The following TTC5 variants were observed in gnomAD, a reference collection of about 807,000 sequenced individuals.
The protein encoded by TTC5 is tetratricopeptide repeat domain 5, also known as tetratricopeptide repeat protein 5.
TTC5 carries 46 observed loss-of-function variants against 57.4 expected under a neutral mutation model. The ratio of observed to expected loss-of-function variants is 0.80; its 90% CI spans 0.63 to 1.03. TTC5 has a LOEUF of 1.03. Among genes scored for constraint, TTC5 ranks in the 50% least tolerant of loss-of-function variants. The pLI, the probability that TTC5 is intolerant of heterozygous loss-of-function variation, is 0.00. For missense variants in TTC5, 504 were observed against 528.1 expected, an observed-to-expected ratio of 0.95 and a Z score of 0.45; for synonymous variants, 190 against 203.5, an observed-to-expected ratio of 0.93 and a Z score of 0.57.
Position 20,289,751 on chromosome 14 carries a change from A to G in TTC5, c.1204-5T>C. ...AACACTGGAAAAGGAATAGTCCTAG[A>G]AAAGACAGACAGACAAAGGTTCACT... On this transcript the variant is annotated splice_region_variant and splice_polypyrimidine_tract_variant and intron_variant, in intron 9 of 9. Transcript: ENST00000258821. 1 of 1,610,996 alleles carries G rather than the reference A, an allele frequency of 6.2e-7. No individual in the cohort carries two copies. The highest frequency in any genetic ancestry group is 8.5e-7 in the Non-Finnish European group (1 of 1,178,540).
In TTC5 at chr14:20,286,391, A is replaced by G. The variant is rs901410421; in HGVS notation, c.*3236T>C. 4 of 152,274 alleles carry G rather than the reference A, an allele frequency of 2.6e-5. No homozygotes were observed. Among genetic ancestry groups the G allele is most frequent in the African/African-American group, 9.6e-5 (4 of 41,566 alleles). The allele number at this position is 152,274 out of a possible 1,614,324, so 9.4% of individuals were successfully genotyped here. On this transcript the variant is annotated 3_prime_UTR_variant, in exon 10 of 10. Transcript: ENST00000258821. ...GGACAAAGAAATGTAATTTATGCCT[A>G]CTATGTGATATTTTATAATCATCTG...
At position 20,304,911 on chromosome 14, in the gene TTC5, T is replaced by TA. The variant is rs201095975; in HGVS notation, c.51+975dup. Among the ~76,000 whole-genome samples the TA allele has an allele frequency of 6.8e-3, 1,037 of 152,072 alleles. 17 individuals carry two copies. Among genetic ancestry groups the TA allele is most frequent in the African/African-American group, 0.024 (982 of 41,480 alleles). On this transcript the variant is annotated intron_variant, in intron 1 of 9. Transcript: ENST00000258821. ...TTGTTAAAATTCAAATAGATACATG[T>TA]AAAAAAAAGAAAGTACAAAATTACC...
At chr14:20,293,440 C>T (rs943028946) in intron 8 of TTC5, 1 of 152,162 alleles carries the variant, frequency 6.6e-6, no homozygotes, top group Non-Finnish European at 1.5e-5. Flanking sequence ...ACAAAAGGCA[C>T]TGGTGGGAAA....
At chr14:20,302,956 T>C (rs935319993) in intron 1 of TTC5, among the ~76,000 whole-genome samples, 3 of 152,022 alleles carry the variant, frequency 2.0e-5, no homozygotes, top group African/African-American at 7.2e-5. Context: ...CCTAGCACTT[T>C]GGTAGTCCAA....
At chr14:20,289,802 C>G (rs1376773236) in intron 9 of TTC5, 56 bp from the exon 10 acceptor site, 5 of 1,547,952 alleles carry the variant, frequency 3.2e-6, no homozygotes, top group Non-Finnish European at 2.6e-6. Context: ...GAAAAAGCTC[C>G]AGCATGGGGA....
Position 20,292,128 on chromosome 14 carries a change from C to T in TTC5, c.1059-1G>A. 1.3e-6 allele frequency: 2 copies of T among 1,559,958 alleles called. No individual in the cohort carries two copies. The highest frequency in any genetic ancestry group is 2.5e-5 in the South Asian group (2 of 81,556). On this transcript the variant is annotated splice_acceptor_variant, in intron 8 of 9. Transcript: ENST00000258821. LOFTEE classifies it high-confidence loss of function. ...ATCTGAATCTACCAGGCCAAATGTA[C>T]TACCAAGTAAAGACAGATTAGGAGA...
Position 20,289,641 on chromosome 14 carries a change from G to A in TTC5, c.1309C>T (p.Pro437Ser), listed in dbSNP as rs1594261108. Residue 437 changes from proline to serine, a missense_variant, in exon 10 of 10, where the codon CCA becomes TCA. Physicochemically the swap from Pro to Ser is moderately conservative, Grantham distance 74. Transcript: ENST00000258821. The stretch of plus-strand genomic sequence containing the variant: ...CAAGTCAAAGGTCATTCACACTGTG[G>A]TCGCGATGCCACTGTGGCAACAGCC... ...SQAVATVASR[P>S]QCE The A allele has an allele frequency of 6.2e-7, 1 of 1,613,294 alleles. No homozygotes were observed. Among genetic ancestry groups the A allele is most frequent in the Non-Finnish European group, 8.5e-7 (1 of 1,179,540 alleles).
intron 9 of TTC5, 76 bp downstream of exon 9, chr14:20,291,907 T>A (rs1953549): frequency 0.47 from 611,029 of 1,288,996 alleles, 146,932 homozygotes; most frequent in East Asian, 0.53. Flanking sequence ...ATTATTTCTA[T>A]ATCTTTTATA....
Position 20,301,938 on chromosome 14 carries a change from G to T in TTC5, c.79C>A (p.Arg27=), listed in dbSNP as rs552581393. The T allele has an allele frequency of 1.9e-6, 3 of 1,613,870 alleles. No homozygotes were observed. Among genetic ancestry groups the T allele is most frequent in the Non-Finnish European group, 2.5e-6 (3 of 1,179,968 alleles). Reference sequence around the variant, plus strand: ...CTATGTGTCTCGAAATAGCAGTCTCGAAATGAGTAGAGCTGATCCACGAGT... The same window carrying T: ...CTATGTGTCTCGAAATAGCAGTCTCTAAATGAGTAGAGCTGATCCACGAGT... ...QELVDQLYSF[R]DCYFETHSVE... The change falls in exon 2 of 10, where the codon CGA becomes AGA. Residue 27 remains arginine, a synonymous_variant. Transcript: ENST00000258821.
intron 1 of TTC5, among the ~76,000 whole-genome samples, chr14:20,302,262 CCA>C (rs1882208982): frequency 6.6e-6 from 1 of 152,128 alleles, no homozygotes; most frequent in African/African-American, 2.4e-5. Flanking sequence ...ACTTCACATA[CCA>C]CAGTCATGAG....
intron 1 of TTC5, 188 bp downstream of exon 1, chr14:20,305,699 G>C (rs1412479584): frequency 1.6e-6 from 1 of 613,662 alleles, no homozygotes; most frequent in East Asian, 2.8e-5. Flanking sequence ...CAGTCAGGTC[G>C]GCAGCAGGAG....
Position 20,302,885 on chromosome 14 carries a change from A to AT in TTC5, c.52-921dup, listed in dbSNP as rs113574212. On this transcript the variant is annotated intron_variant, in intron 1 of 9. Transcript: ENST00000258821. ...ATGTGTATAAAGTGTAAATGAAACA[A>AT]TTTTTTTTTTTTCTTTTTTAAAAGA... is the stretch of plus-strand genomic sequence containing the variant. Among the ~76,000 whole-genome samples the AT allele has an allele frequency of 4.5e-4, 66 of 145,766 alleles. 1 individual carries two copies. Among genetic ancestry groups the AT allele is most frequent in the South Asian group, 8.6e-4 (4 of 4,652 alleles).
intron 2 of TTC5, among the ~76,000 whole-genome samples, chr14:20,301,595 A>C (rs1303309484): frequency 6.6e-6 from 1 of 152,244 alleles, no homozygotes; most frequent in East Asian, 1.9e-4. Context: ...GCAGAAAGTC[A>C]GATTACTGCA....
At chr14:20,296,158 T>TC (rs2138810723) in intron 6 of TTC5, among the ~76,000 whole-genome samples, 1 of 152,218 alleles carries the variant, frequency 6.6e-6, no homozygotes, top group African/African-American at 2.4e-5. Context: ...TTCTAAAAGA[T>TC]CCCCCCATTC....
At chr14:20,300,572 A>G in intron 3 of TTC5, 35 bp downstream of exon 3, 5 of 1,563,448 alleles carry the variant, frequency 3.2e-6, no homozygotes, top group Non-Finnish European at 2.6e-6. Context: ...CATCCTTCCC[A>G]TCTCTGCTTT....
chr14:20,298,889 C>G lies in TTC5; in HGVS notation c.548-1G>C. Reference sequence around the variant, plus strand: ...GAAAGATATGAATTCCCAAGAATATCTGAAAGAGAAACACAGTGACAAATC... The same window carrying G: ...GAAAGATATGAATTCCCAAGAATATGTGAAAGAGAAACACAGTGACAAATC... On this transcript the variant is annotated splice_acceptor_variant, in intron 4 of 9. Coordinates refer to ENST00000258821, the MANE Select transcript of TTC5 (RefSeq NM_138376.3). LOFTEE classifies it high-confidence loss of function. The G allele has an allele frequency of 6.2e-7, 1 of 1,604,710 alleles. No homozygotes were observed.
At chr14:20,303,551 T>C (rs1468782748) in intron 1 of TTC5, among the ~76,000 whole-genome samples, 1 of 152,226 alleles carries the variant, frequency 6.6e-6, no homozygotes, top group Non-Finnish European at 1.5e-5. Flanking sequence ...CATCCCACTA[T>C]GACCATTCCT....
At position 20,286,679 on chromosome 14, in the gene TTC5, A is replaced by C. The variant is rs189312475; in HGVS notation, c.*2948T>G. The C allele has an allele frequency of 1.6e-4, 24 of 152,298 alleles. No individual in the cohort carries two copies. Among genetic ancestry groups the C allele is most frequent in the African/African-American group, 5.1e-4 (21 of 41,578 alleles). The allele number at this position is 152,298 out of a possible 1,614,324, so 9.4% of individuals were successfully genotyped here. On this transcript the variant is annotated 3_prime_UTR_variant, in exon 10 of 10. Transcript: ENST00000258821. ...CTCTTAAAACACAAAAAGCATTATC[A>C]TAAAAGATGGATAAATTCAATGACA...
chr14:20,290,211 C>G (rs1881925953), intron 9 of TTC5, among the ~76,000 whole-genome samples: 1 of 152,114 alleles, frequency 6.6e-6, no homozygotes, highest in African/African-American at 2.4e-5. Context: ...TCTTTTATAT[C>G]AAGAGGAGGA....
Sources: allele counts gnomAD v4.1 joint callset (sites outside exome capture counted in the v4.1 genomes callset), GRCh38; gene constraint gnomAD v4.1.1; transcripts MANE v1.5; gene names NCBI Gene and HGNC (gene_info 2026-07-23, HGNC 2026-07-21).